The following SPIN1 variants were observed in gnomAD, a reference collection of about 807,000 sequenced individuals.
The protein encoded by SPIN1 is spindlin 1, also known as spindlin-1.
A neutral mutation model predicts 26.0 loss-of-function variants in SPIN1; 3 were observed. The ratio of observed to expected loss-of-function variants is 0.12; its 90% CI spans 0.05 to 0.30. The LOEUF (loss-of-function observed/expected upper bound fraction) is 0.30, where lower values mean the gene tolerates loss of function less well. SPIN1 is among the 10% of genes least tolerant of loss of function. SPIN1 has a pLI of 1.00. For synonymous variants in SPIN1, 101 were observed against 116.5 expected, an observed-to-expected ratio of 0.87 and a Z score of 0.86; for missense variants, 126 against 333.4, an observed-to-expected ratio of 0.38 and a Z score of 4.84.
intron 2 of SPIN1, among the ~76,000 whole-genome samples, chr9:88,444,784 G>A (rs541240052): frequency 2.0e-5 from 3 of 147,094 alleles, no homozygotes; most frequent in East Asian, 2.1e-4. Flanking sequence ...TCCACCTCCC[G>A]GGTTCACACC....
chr9:88,453,136 C>T (rs1025656419), intron 3 of SPIN1, among the ~76,000 whole-genome samples: 1 of 151,944 alleles, frequency 6.6e-6, no homozygotes, highest in African/African-American at 2.4e-5. Flanking sequence ...CCTTTGCTTT[C>T]CTTTTTTTTT....
chr9:88,440,355 C>T (rs1014540051), intron 2 of SPIN1, among the ~76,000 whole-genome samples: 9 of 151,894 alleles, frequency 5.9e-5, no homozygotes, highest in African/African-American at 2.2e-4. Context: ...GACAGAGTTT[C>T]ACCATGTTAC....
intron 4 of SPIN1, 127 bp downstream of exon 4, chr9:88,462,876 A>T: frequency 8.6e-7 from 1 of 1,163,736 alleles, no homozygotes; most frequent in Non-Finnish European, 1.2e-6. Context: ...GATAAACATT[A>T]TATTAAATCA....
chr9:88,475,204 A>C lies in SPIN1; in HGVS notation c.716A>C (p.Lys239Thr). 6.2e-7 allele frequency: 1 copy of C among 1,614,062 alleles called. No individual in the cohort carries two copies. The highest frequency in any genetic ancestry group is 8.5e-7 in the Non-Finnish European group (1 of 1,180,002). Residue 239 changes from lysine (K) to threonine (T), a missense_variant, in exon 6 of 6, where the codon AAG becomes ACG. Lys to Thr is a moderately conservative substitution (Grantham distance 78). Around this residue, in one of 7 missense-constraint regions of SPIN1, gnomAD observed 29 missense variants for 72.0 expected, o/e 0.40. Coordinates refer to ENST00000375859, the MANE Select transcript of SPIN1 (RefSeq NM_006717.3). ...TGMVIHQVEA[K>T]PSVYFIKFDD... ...ATGGTCATTCATCAAGTAGAAGCCA[A>C]GCCCTCCGTCTATTTCATCAAGTTT... is the stretch of plus-strand genomic sequence containing the variant.
At chr9:88,450,978 C>A (rs1225965364) in intron 3 of SPIN1, among the ~76,000 whole-genome samples, 10 of 152,118 alleles carry the variant, frequency 6.6e-5, no homozygotes, top group Admixed American at 2.6e-4. Context: ...GCTGTTAGGC[C>A]TGTGGAAGTT....
At chr9:88,450,622 A>T (rs1029274794) in intron 3 of SPIN1, among the ~76,000 whole-genome samples, 2 of 152,204 alleles carry the variant, frequency 1.3e-5, no homozygotes, top group Non-Finnish European at 2.9e-5. Context: ...TAACTGAAAA[A>T]ATCTCTCATC....
intron 1 of SPIN1, among the ~76,000 whole-genome samples, chr9:88,409,550 C>G (rs953285302): frequency 6.6e-6 from 1 of 151,520 alleles, no homozygotes; most frequent in Non-Finnish European, 1.5e-5. Flanking sequence ...TTGAGCTACA[C>G]GACGGCCAGG....
At chr9:88,397,122 C>T (rs908969803) in intron 1 of SPIN1, among the ~76,000 whole-genome samples, 18 of 152,094 alleles carry the variant, frequency 1.2e-4, no homozygotes, top group Admixed American at 2.6e-4. Context: ...AGTTAGGCTA[C>T]ACTAAATTTA....
At chr9:88,401,247 G>A (rs1199106649) in intron 1 of SPIN1, among the ~76,000 whole-genome samples, 1 of 152,136 alleles carries the variant, frequency 6.6e-6, no homozygotes, top group Non-Finnish European at 1.5e-5. Flanking sequence ...ATCAGTGTTT[G>A]TGATCGAGAA....
intron 1 of SPIN1, among the ~76,000 whole-genome samples, chr9:88,397,544 C>T (rs777829106): frequency 2.6e-5 from 4 of 151,826 alleles, no homozygotes; most frequent in East Asian, 1.9e-4. Context: ...TTTCTGTGTG[C>T]GTGCTTGCAC....
At chr9:88,432,871 C>G (rs541467728) in intron 2 of SPIN1, among the ~76,000 whole-genome samples, 2 of 151,918 alleles carry the variant, frequency 1.3e-5, no homozygotes, top group Admixed American at 6.6e-5. Flanking sequence ...TAATTTCAGT[C>G]AGCAACTTAA....
Position 88,398,809 on chromosome 9 carries a change from G to A in SPIN1, c.-159+10271G>A, listed in dbSNP as rs1259291005. On this transcript the variant is annotated intron_variant, in intron 1 of 5. Transcript: ENST00000375859. ...GGCTGGTCTTGAACTCCCCACCTCA[G>A]GTCATCCGCCTGCCTTGGCCTCCCT... 2.6e-5 allele frequency among the ~76,000 whole-genome samples: 4 copies of A among 151,876 alleles called. No individual in the cohort carries two copies. The South Asian group carries it at 6.2e-4, about 24-fold the overall frequency.
chr9:88,432,853 G>GTT (rs145241458), intron 2 of SPIN1, among the ~76,000 whole-genome samples: 2 of 151,310 alleles, frequency 1.3e-5, no homozygotes, highest in African/African-American at 4.9e-5. Flanking sequence ...TTTGTTTTTT[G>GTT]TTTTTTTTAA....
chr9:88,417,244 G>T (rs566021588), intron 1 of SPIN1, among the ~76,000 whole-genome samples: 2 of 152,194 alleles, frequency 1.3e-5, no homozygotes, highest in South Asian at 4.2e-4. Context: ...AGTTAGAAAG[G>T]AGAAACAAAT....
intron 4 of SPIN1, among the ~76,000 whole-genome samples, chr9:88,463,790 C>T (rs1039041934): frequency 2.0e-5 from 3 of 152,076 alleles, no homozygotes; most frequent in Non-Finnish European, 1.5e-5. Flanking sequence ...AATATTAAGT[C>T]TTTGTTATTT....
At chr9:88,449,539 C>T (rs1828317317) in intron 3 of SPIN1, among the ~76,000 whole-genome samples, 1 of 152,116 alleles carries the variant, frequency 6.6e-6, no homozygotes, top group Admixed American at 6.5e-5. Context: ...GTTCTCAATC[C>T]TAAATTCTGT....
At chr9:88,440,318 AT>A (rs1260450757) in intron 2 of SPIN1, among the ~76,000 whole-genome samples, 3 of 142,496 alleles carry the variant, frequency 2.1e-5, no homozygotes, top group South Asian at 2.3e-4. Context: ...TTTGTTTTTA[AT>A]TTTTTTTTTA....
At chr9:88,414,840 T>C (rs1827526536) in intron 1 of SPIN1, among the ~76,000 whole-genome samples, 1 of 152,232 alleles carries the variant, frequency 6.6e-6, no homozygotes, top group Non-Finnish European at 1.5e-5. Context: ...TTATAAATTT[T>C]GACCACGTAT....
chr9:88,402,635 C>T (rs1000962735), intron 1 of SPIN1, among the ~76,000 whole-genome samples: 1 of 151,824 alleles, frequency 6.6e-6, no homozygotes, highest in African/African-American at 2.4e-5. Context: ...TTGCTGCAAA[C>T]ATTTTATTCT....
Sources: gnomAD v4.1 joint callset for allele counts (sites outside exome capture counted in the v4.1 genomes callset) on GRCh38, gnomAD v4.1.1 for gene constraint, gnomAD v4.1.1 regional missense constraint, MANE v1.5 for transcripts, NCBI Gene and HGNC (gene_info 2026-07-23, HGNC 2026-07-21) for gene names.